TTC28: variants seen among roughly 807,000 people sequenced by gnomAD.
TTC28 encodes tetratricopeptide repeat protein 28.
In TTC28, 61 loss-of-function variants were observed where a neutral mutation model predicts 198.0. The observed-to-expected ratio is 0.31, with a 90% CI of 0.25 to 0.38. The LOEUF (loss-of-function observed/expected upper bound fraction) is 0.38. TTC28 is among the 10% of genes least tolerant of loss of function. The pLI, the probability that TTC28 is intolerant of heterozygous loss-of-function variation, is 1.00. For missense variants in TTC28, 2,678 were observed against 3,164.0 expected, an observed-to-expected ratio of 0.85 and a Z score of 3.69; for synonymous variants, 1,171 against 1,297.8, an observed-to-expected ratio of 0.90 and a Z score of 2.10.
chr22:27,992,698 A>G (rs981354430), intron 18 of TTC28, 35 bp from the exon 19 acceptor site: 20 of 1,545,726 alleles, frequency 1.3e-5, no homozygotes, highest in African/African-American at 2.7e-5. Context: ...GTTATTCAGA[A>G]GGGCCTCTGC....
At chr22:28,108,957 C>T (rs1462561048) in intron 6 of TTC28, among the ~76,000 whole-genome samples, 2 of 152,208 alleles carry the variant, frequency 1.3e-5, no homozygotes, top group South Asian at 2.1e-4. Flanking sequence ...ACAACTCCTA[C>T]ACTGATGAGA....
Position 28,297,849 on chromosome 22 carries a change from G to C in TTC28, c.533C>G (p.Ser178Cys). ...EAAMKSPMRD[S>C]LEPTYQQLQK... ...AAGCTGCTGATAAGTGGGCTCGAGG[G>C]AGTCTGAAAATAAACAACAATAACA... Residue 178 changes from serine (S) to cysteine (C), a missense_variant, in exon 4 of 23, where the codon TCC (serine) becomes TGC (cysteine). By Grantham distance (112) the Ser-to-Cys change is moderately radical (BLOSUM62 -1). This residue lies in a region of TTC28 where 176 missense variants were observed against 197.9 expected (regional missense o/e 0.89). Coordinates refer to ENST00000397906, the MANE Select transcript of TTC28 (RefSeq NM_001145418.2). 3 of 1,550,878 alleles carry C rather than the reference G, an allele frequency of 1.9e-6. No individual in the cohort carries two copies. The highest frequency in any genetic ancestry group is 2.6e-6 in the Non-Finnish European group (3 of 1,146,618).
At position 28,679,818 on chromosome 22, in the gene TTC28, G is replaced by T; in HGVS notation, c.-95C>A. On this transcript the variant is annotated 5_prime_UTR_variant, in exon 1 of 23. Coordinates refer to ENST00000397906, the MANE Select transcript of TTC28 (RefSeq NM_001145418.2). ...GCGCGCCATGTTCCCGCCGTGCTGC[G>T]CGCCGCCGCGGCGCCCCTCACTGCC... is the stretch of plus-strand genomic sequence containing the variant. The T allele has an allele frequency of 1.8e-6, 1 of 545,542 alleles. No individual in the cohort carries two copies. Among genetic ancestry groups the T allele is most frequent in the Non-Finnish European group, 2.4e-6 (1 of 408,196 alleles). The allele number at this position is 545,542 out of a possible 1,614,324, so 33.8% of individuals were successfully genotyped here. A position where few individuals can be genotyped will look rare whatever the true frequency, so the allele number is the denominator to read the frequency against.
chr22:28,624,283 C>G (rs761075701), intron 2 of TTC28, among the ~76,000 whole-genome samples: 12 of 151,704 alleles, frequency 7.9e-5, no homozygotes, highest in African/African-American at 7.3e-5. Context: ...GAGGCTGAGG[C>G]AGGAGAATGG....
In TTC28 at chr22:28,140,985, G is replaced by A. The variant is rs117527398; in HGVS notation, c.1441+22107C>T. Reference sequence around the variant, plus strand: ...AAGAAAAGGAAGAGGAGGAGGAAGAGTGATAATTAATATCAAATACATTAA... The same window carrying A: ...AAGAAAAGGAAGAGGAGGAGGAAGAATGATAATTAATATCAAATACATTAA... On this transcript the variant is annotated intron_variant, in intron 6 of 22. Coordinates refer to ENST00000397906, the MANE Select transcript of TTC28 (RefSeq NM_001145418.2). Among the ~76,000 whole-genome samples, 180 of 150,056 alleles carry A rather than the reference G, an allele frequency of 1.2e-3. 5 individuals carry two copies. In the East Asian group the frequency reaches 0.036, roughly 30 times the overall value.
chr22:28,038,410 C>A (rs370984272), intron 12 of TTC28, among the ~76,000 whole-genome samples: 1 of 152,172 alleles, frequency 6.6e-6, no homozygotes, highest in South Asian at 2.1e-4. Context: ...CAAAGACAAG[C>A]AATGGGGAAA....
chr22:28,453,601 T>A (rs1163316276), intron 2 of TTC28, among the ~76,000 whole-genome samples: 1 of 152,154 alleles, frequency 6.6e-6, no homozygotes, highest in Admixed American at 6.5e-5. Flanking sequence ...AACTTTATAG[T>A]CCCCTTTGAT....
chr22:28,400,400 G>T (rs535049172), intron 2 of TTC28, among the ~76,000 whole-genome samples: 39 of 152,272 alleles, frequency 2.6e-4, no homozygotes, highest in African/African-American at 8.7e-4. Flanking sequence ...CTTTGAAAAG[G>T]CACATATTCT....
chr22:28,480,665 G>A (rs1467200869), intron 2 of TTC28, among the ~76,000 whole-genome samples: 1 of 152,136 alleles, frequency 6.6e-6, no homozygotes, highest in Non-Finnish European at 1.5e-5. Flanking sequence ...GAAGCTCAAG[G>A]AGGAAAGGGC....
intron 2 of TTC28, among the ~76,000 whole-genome samples, chr22:28,384,150 C>A (rs762800534): frequency 2.0e-5 from 3 of 152,216 alleles, no homozygotes; most frequent in Admixed American, 6.5e-5. Context: ...TCTGCTTATA[C>A]ATTACTTCTT....
intron 17 of TTC28, among the ~76,000 whole-genome samples, chr22:27,995,305 C>T (rs1937532687): frequency 6.6e-6 from 1 of 152,168 alleles, no homozygotes; most frequent in South Asian, 2.1e-4. Flanking sequence ...TTGGAAGGAG[C>T]TTGGCTGTGG....
chr22:28,388,832 T>C (rs2046663360), intron 2 of TTC28, among the ~76,000 whole-genome samples: 1 of 152,192 alleles, frequency 6.6e-6, no homozygotes, highest in Admixed American at 6.5e-5. Flanking sequence ...ATACCCTTTA[T>C]TTCCTTCTCC....
chr22:27,987,700 C>A (rs1054015598), intron 21 of TTC28, among the ~76,000 whole-genome samples: 2 of 152,046 alleles, frequency 1.3e-5, no homozygotes, highest in Non-Finnish European at 2.9e-5. Context: ...TAGAGTAAGA[C>A]CCTGTCTCCA....
At chr22:28,365,684 C>T (rs769702305) in intron 2 of TTC28, among the ~76,000 whole-genome samples, 1 of 152,204 alleles carries the variant, frequency 6.6e-6, no homozygotes, top group Non-Finnish European at 1.5e-5. Context: ...AGAATTAAAT[C>T]TGTGTGCTGA....
chr22:28,617,707 C>A (rs1341545930), intron 2 of TTC28, among the ~76,000 whole-genome samples: 3 of 152,112 alleles, frequency 2.0e-5, no homozygotes, highest in African/African-American at 4.8e-5. Context: ...TAGAGCTATA[C>A]AATTGTGTTT....
Position 28,107,095 on chromosome 22 carries a change from G to T in TTC28, c.2750C>A (p.Ala917Asp). 6.4e-7 allele frequency: 1 copy of T among 1,551,388 alleles called. No individual in the cohort carries two copies. The highest frequency in any genetic ancestry group is 1.2e-5 in the South Asian group (1 of 84,040). Reference sequence around the variant, plus strand: ...ATTTCCCAGGCCCCGGTAAGCCTTGGCTTGGTCTTGCATGCGATTCAGACT... The same window carrying T: ...ATTTCCCAGGCCCCGGTAAGCCTTGTCTTGGTCTTGCATGCGATTCAGACT... ...AQSLNRMQDQ[A>D]KAYRGLGNGH... Residue 917 changes from alanine (A) to aspartate (D), a missense_variant, in exon 7 of 23, where the codon GCC becomes GAC. By Grantham distance (126) the Ala-to-Asp change is moderately radical. This residue lies in a region of TTC28 where 775 missense variants were observed against 845.9 expected (regional missense o/e 0.92). Coordinates refer to ENST00000397906, the MANE Select transcript of TTC28 (RefSeq NM_001145418.2).
intron 2 of TTC28, among the ~76,000 whole-genome samples, chr22:28,408,887 C>A (rs1022403209): frequency 5.9e-5 from 9 of 152,208 alleles, no homozygotes; most frequent in Admixed American, 2.6e-4. Flanking sequence ...TACAGTTACT[C>A]AGAGTCACTT....
intron 2 of TTC28, among the ~76,000 whole-genome samples, chr22:28,453,873 T>C (rs1288739940): frequency 6.6e-6 from 1 of 152,216 alleles, no homozygotes; most frequent in Non-Finnish European, 1.5e-5. Context: ...GGCTTCCCTT[T>C]GCACAAAATA....
intron 2 of TTC28, among the ~76,000 whole-genome samples, chr22:28,543,689 A>C (rs2049470278): frequency 1.3e-5 from 2 of 152,224 alleles, no homozygotes; most frequent in African/African-American, 4.8e-5. Context: ...GGAAAAAATA[A>C]CAATCCTACA....
Sources: gnomAD v4.1 joint callset for allele counts (sites outside exome capture counted in the v4.1 genomes callset) on GRCh38, gnomAD v4.1.1 for gene constraint, gnomAD v4.1.1 regional missense constraint, MANE v1.5 for transcripts, NCBI Gene and HGNC (gene_info 2026-07-23, HGNC 2026-07-21) for gene names.